The following SPOCK1 variants were observed in gnomAD, a reference collection of about 807,000 sequenced individuals.
SPOCK1 encodes SPARC (osteonectin), cwcv and kazal like domains proteoglycan 1.
In SPOCK1, 23 loss-of-function variants were observed where a neutral mutation model predicts 55.3. That is an observed-to-expected ratio of 0.42 (90% CI 0.30 to 0.59). The LOEUF (loss-of-function observed/expected upper bound fraction) is 0.59. SPOCK1 is among the 20% of genes least tolerant of loss of function. The pLI, the probability that SPOCK1 is intolerant of heterozygous loss-of-function variation, is 0.22. For missense variants in SPOCK1, 499 were observed against 552.5 expected, an observed-to-expected ratio of 0.90 and a Z score of 0.97; for synonymous variants, 226 against 221.0, an observed-to-expected ratio of 1.02 and a Z score of -0.20.
chr5:137,236,145 G>A (rs551970630), intron 3 of SPOCK1, among the ~76,000 whole-genome samples: 17 of 152,358 alleles, frequency 1.1e-4, no homozygotes, highest in Non-Finnish European at 1.9e-4. Flanking sequence ...CTGCCCAAAT[G>A]GCCCTGAGCC....
chr5:137,183,111 T>G (rs1204074969), intron 3 of SPOCK1, among the ~76,000 whole-genome samples: 1 of 152,162 alleles, frequency 6.6e-6, no homozygotes, highest in Non-Finnish European at 1.5e-5. Context: ...GCCATTTTGT[T>G]ACATGTAAAT....
intron 2 of SPOCK1, among the ~76,000 whole-genome samples, chr5:137,282,666 G>T (rs1757188941): frequency 6.6e-6 from 1 of 152,230 alleles, no homozygotes; most frequent in Admixed American, 6.5e-5. Context: ...TCCAAATGAT[G>T]CTGGGACTCT....
chr5:137,179,564 T>C (rs1754926665), intron 3 of SPOCK1, among the ~76,000 whole-genome samples: 1 of 152,120 alleles, frequency 6.6e-6, no homozygotes, highest in African/African-American at 2.4e-5. Flanking sequence ...ACCTTTTTGT[T>C]TAACCACCTT....
chr5:137,089,859 C>G (rs570345679), intron 5 of SPOCK1, among the ~76,000 whole-genome samples: 19 of 152,288 alleles, frequency 1.2e-4, no homozygotes, highest in Admixed American at 1.2e-3. Flanking sequence ...GCCTTTATAA[C>G]TATCAAAGAT....
chr5:137,406,348 C>A (rs1752099091), intron 2 of SPOCK1, among the ~76,000 whole-genome samples: 1 of 152,238 alleles, frequency 6.6e-6, no homozygotes, highest in Admixed American at 6.5e-5. Flanking sequence ...AGGACTCCCA[C>A]AGGAGCAGTA....
chr5:137,094,195 A>G (rs1214911167), intron 5 of SPOCK1, among the ~76,000 whole-genome samples: 1 of 152,172 alleles, frequency 6.6e-6, no homozygotes, highest in Non-Finnish European at 1.5e-5. Flanking sequence ...ATTGGGGGAA[A>G]CACTGGGGCC....
In SPOCK1 at chr5:137,115,354, C is replaced by T. The variant is rs189297659; in HGVS notation, c.348-2793G>A. ...GAGGAAGTGACTTTCCCAGTGTCAC[C>T]GAGAAATATGGCAAAGTTACATCAT... On this transcript the variant is annotated intron_variant, in intron 4 of 10. Coordinates refer to ENST00000394945, the MANE Select transcript of SPOCK1 (RefSeq NM_004598.4). Among the ~76,000 whole-genome samples, 30 of 151,902 alleles carry T rather than the reference C, an allele frequency of 2.0e-4. 1 individual carries two copies. In the Middle Eastern group the frequency reaches 0.02, roughly 103 times the overall value.
intron 6 of SPOCK1, among the ~76,000 whole-genome samples, chr5:137,026,589 T>TTCCCTC (rs755519940): frequency 5.3e-5 from 8 of 152,132 alleles, no homozygotes; most frequent in East Asian, 3.9e-4. Context: ...TCAATACAAT[T>TTCCCTC]TCCCTCTCCC....
chr5:137,463,163 T>G (rs1278254035), intron 2 of SPOCK1, among the ~76,000 whole-genome samples: 2 of 152,246 alleles, frequency 1.3e-5, no homozygotes, highest in East Asian at 3.8e-4. Context: ...AAAGATGATG[T>G]GCTCCACTAC....
intron 2 of SPOCK1, among the ~76,000 whole-genome samples, chr5:137,442,044 A>T (rs2089788796): frequency 6.6e-6 from 1 of 152,148 alleles, no homozygotes; most frequent in African/African-American, 2.4e-5. Context: ...CAAAAAGAAC[A>T]AAGTCTGTCA....
chr5:137,035,373 G>A (rs1246007936), intron 6 of SPOCK1, among the ~76,000 whole-genome samples: 1 of 152,182 alleles, frequency 6.6e-6, no homozygotes, highest in African/African-American at 2.4e-5. Context: ...CCATTTCTGG[G>A]CAGAGACTCC....
At chr5:137,285,129 G>T (rs1580847025) in intron 2 of SPOCK1, among the ~76,000 whole-genome samples, 1 of 152,206 alleles carries the variant, frequency 6.6e-6, no homozygotes, top group Admixed American at 6.5e-5. Context: ...AGCCAAGCGG[G>T]TTGCTCGCAG....
At chr5:137,410,252 A>G (rs10079724) in intron 2 of SPOCK1, among the ~76,000 whole-genome samples, 24,746 of 152,094 alleles carry the variant, frequency 0.16, 2,253 homozygotes, top group Admixed American at 0.27. Context: ...CAGCTGATCT[A>G]TTTTCCCTTA....
chr5:137,019,424 T>G (rs1751516505), intron 6 of SPOCK1, among the ~76,000 whole-genome samples: 1 of 152,116 alleles, frequency 6.6e-6, no homozygotes, highest in South Asian at 2.1e-4. Context: ...GTATTGTGAG[T>G]GTATTCCTAT....
intron 2 of SPOCK1, among the ~76,000 whole-genome samples, chr5:137,315,506 C>T (rs1757863503): frequency 6.6e-6 from 1 of 152,218 alleles, no homozygotes; most frequent in Non-Finnish European, 1.5e-5. Flanking sequence ...AGCAACTGAG[C>T]ACTTTACCTT....
chr5:137,199,437 A>G (rs1755369003), intron 3 of SPOCK1, among the ~76,000 whole-genome samples: 2 of 152,038 alleles, frequency 1.3e-5, no homozygotes, highest in Admixed American at 1.3e-4. Context: ...ATGAGTCACA[A>G]CAGACCTAGT....
intron 2 of SPOCK1, among the ~76,000 whole-genome samples, chr5:137,339,227 T>C (rs1291294360): frequency 6.6e-6 from 1 of 152,222 alleles, no homozygotes; most frequent in East Asian, 1.9e-4. Context: ...GTCCCCTACA[T>C]TTAGTCCCTG....
intron 2 of SPOCK1, among the ~76,000 whole-genome samples, chr5:137,408,620 C>G (rs570811613): frequency 6.6e-6 from 1 of 152,184 alleles, no homozygotes; most frequent in African/African-American, 2.4e-5. Flanking sequence ...CTGTGGCCAA[C>G]GTGAAAGGAA....
chr5:137,091,277 C>A lies in SPOCK1; in HGVS notation c.474+21158G>T, dbSNP rs575414583. On this transcript the variant is annotated intron_variant, in intron 5 of 10. Transcript: ENST00000394945. ...TACTGAGCACCTACTAGCTGCTAAG[C>A]ACAGTAGTAGGTGCTGTGAATATAA... Among the ~76,000 whole-genome samples, 156 of 152,348 alleles carry A rather than the reference C, an allele frequency of 1.0e-3. 1 individual carries two copies. The highest frequency in any genetic ancestry group is 9.6e-4 in the East Asian group (5 of 5,188).
Sources: allele counts gnomAD v4.1 joint callset (sites outside exome capture counted in the v4.1 genomes callset), GRCh38; gene constraint gnomAD v4.1.1; transcripts MANE v1.5; gene names NCBI Gene and HGNC (gene_info 2026-07-23, HGNC 2026-07-21).